Variants in PPP1R16A observed in about 807,000 individuals in gnomAD.
The protein encoded by PPP1R16A is protein phosphatase 1 regulatory subunit 16A, also known as myosin phosphatase-targeting subunit 3.
PPP1R16A carries 39 observed loss-of-function variants against 46.6 expected under a neutral mutation model. The ratio of observed to expected loss-of-function variants is 0.84; its 90% confidence interval spans 0.65 to 1.09. The LOEUF is 1.09. PPP1R16A is among the 50% of genes least tolerant of loss of function. The pLI, the probability that PPP1R16A is intolerant of heterozygous loss-of-function variation, is 0.00. For missense variants in PPP1R16A, 798 were observed against 735.6 expected (o/e 1.08, Z -0.98); for synonymous variants, 413 against 321.5 (o/e 1.28, Z -3.04).
chr8:144,500,431 C>G (rs964598473), intron 7 of PPP1R16A, 40 bp downstream of exon 7: 13 of 1,525,222 alleles, frequency 8.5e-6, no homozygotes, highest in Non-Finnish European at 1.1e-5. Context: ...GGCTGGGGGC[C>G]TCGCTACTTG....
intron 1 of PPP1R16A, 122 bp downstream of exon 1, chr8:144,478,249 G>C: frequency 2.6e-6 from 1 of 386,208 alleles, no homozygotes; most frequent in Non-Finnish European, 4.6e-6. Context: ...AGAGGAGGCC[G>C]GGCCGGGGAA....
rs1463459662 is a variant in PPP1R16A, at chr8:144,500,946, C to T, written c.1012C>T (p.Arg338Cys). 2.7e-6 allele frequency: 4 copies of T among 1,496,730 alleles called. No individual in the cohort carries two copies. The highest frequency in any genetic ancestry group is 3.5e-6 in the Non-Finnish European group (4 of 1,129,816). 92.7% of individuals were successfully genotyped at this position (1,496,730 alleles called of 1,614,324 possible). A position where few individuals can be genotyped will look rare whatever the true frequency, so the allele number is the denominator to read the frequency against. ...QSRQRSLLRR[R>C]TSSAGSRGKV... is the part of the protein sequence containing the mutation. ...CCGCCAGCGCTCCTTGCTGCGCCGC[C>T]GCACCTCCAGCGCCGGCAGCCGCGG... Residue 338 changes from arginine (R) to cysteine (C), a missense_variant, in exon 10 of 12, where the codon CGC becomes TGC. By Grantham distance (180) the Arg-to-Cys change is radical. Transcript: ENST00000435887.
At position 144,496,757 on chromosome 8, in the gene PPP1R16A, G is replaced by A. The variant is rs1309532041; in HGVS notation, c.-438G>A. 8.1e-6 allele frequency: 2 copies of A among 246,188 alleles called. No individual in the cohort carries two copies. The highest frequency in any genetic ancestry group is 5.4e-5 in the South Asian group (1 of 18,562). The allele number at this position is 246,188 out of a possible 1,614,324, so 15.3% of individuals were successfully genotyped here. On this transcript the variant is annotated 5_prime_UTR_variant, in exon 3 of 12. Coordinates refer to ENST00000435887, the MANE Select transcript of PPP1R16A (RefSeq NM_001329443.2). ...AGAGGACTCTCAGGGGCTCACAGGG[G>A]CTCTCACTGCTGGTTGGCCCTGCCC...
chr8:144,488,097 A>G (rs2130277620), intron 1 of PPP1R16A, among the ~76,000 whole-genome samples: 1 of 152,332 alleles, frequency 6.6e-6, no homozygotes, highest in South Asian at 2.1e-4. Context: ...AGGAGTGGAC[A>G]TCCTCCCCTG....
intron 3 of PPP1R16A, chr8:144,498,068 C>T (rs995752956): frequency 2.2e-6 from 1 of 456,240 alleles, no homozygotes. Context: ...GCCCTTGAGA[C>T]TCCTTCCTGC....
intron 1 of PPP1R16A, among the ~76,000 whole-genome samples, chr8:144,480,133 A>G (rs1825345836): frequency 6.6e-6 from 1 of 152,246 alleles, no homozygotes; most frequent in East Asian, 1.9e-4. Flanking sequence ...GAGTCCCACA[A>G]AGGAGCATGC....
At chr8:144,494,168 C>T (rs1395897773) in intron 2 of PPP1R16A, among the ~76,000 whole-genome samples, 2 of 152,098 alleles carry the variant, frequency 1.3e-5, no homozygotes, top group Admixed American at 1.3e-4. Context: ...GATGGGGTCT[C>T]GCTGTATTGC....
At chr8:144,497,689 C>T (rs1826147514) in intron 3 of PPP1R16A, 2 of 662,150 alleles carry the variant, frequency 3.0e-6, no homozygotes, top group African/African-American at 1.8e-5. Context: ...CAGGCGGGGG[C>T]TGCATGCAGA....
intron 2 of PPP1R16A, among the ~76,000 whole-genome samples, chr8:144,491,264 G>A (rs1362765716): frequency 1.3e-5 from 2 of 151,928 alleles, no homozygotes; most frequent in Admixed American, 6.6e-5. Context: ...CAGAATGATG[G>A]GCATCTAGGT....
intron 1 of PPP1R16A, among the ~76,000 whole-genome samples, chr8:144,483,333 A>G (rs2130187860): frequency 6.6e-6 from 1 of 152,240 alleles, no homozygotes; most frequent in South Asian, 2.1e-4. Context: ...ATGCATCATC[A>G]GTCTCCTTCA....
Position 144,500,686 on chromosome 8 carries a change from G to A in PPP1R16A, c.832G>A (p.Val278Met), listed in dbSNP as rs1027172147. 7.5e-6 allele frequency: 12 copies of A among 1,610,622 alleles called. No individual in the cohort carries two copies. The highest frequency in any genetic ancestry group is 1.0e-5 in the Non-Finnish European group (12 of 1,179,588). Reference protein sequence around the residue: ...PLHAAAYWGQVPLVELLVAHG... With the variant: ...PLHAAAYWGQMPLVELLVAHG... ...TGCAGCTCCGGCCTGCCGTCCACAG[G>A]TGCCCCTGGTGGAGCTGCTCGTGGC... The change falls in exon 9 of 12, where the codon GTG (valine) becomes ATG (methionine). Residue 278 changes from valine (V) to methionine (M), a missense_variant and splice_region_variant. Val to Met is a conservative substitution (Grantham distance 21, BLOSUM62 1). Transcript: ENST00000435887.
At position 144,497,204 on chromosome 8, in the gene PPP1R16A, C is replaced by G; in HGVS notation, c.10C>G (p.His4Asp). The change falls in exon 3 of 12, where the codon CAC becomes GAC. Residue 4 changes from histidine to aspartate, a missense_variant. His to Asp is a moderately conservative substitution (Grantham distance 81). Coordinates refer to ENST00000435887, the MANE Select transcript of PPP1R16A (RefSeq NM_001329443.2). The stretch of plus-strand genomic sequence containing the variant: ...GCAAGCAGCCGCCGCCATGGCCGAG[C>G]ACCTGGAGCTGCTGGCAGAGATGCC... Reference protein sequence around the residue: MAEHLELLAEMPMV... With the variant: MAEDLELLAEMPMV... The G allele has an allele frequency of 1.3e-6, 2 of 1,574,120 alleles. No individual in the cohort carries two copies. The highest frequency in any genetic ancestry group is 1.7e-6 in the Non-Finnish European group (2 of 1,162,348).
chr8:144,490,180 C>G lies in PPP1R16A; in HGVS notation c.-767C>G, dbSNP rs951345045. The G allele has an allele frequency of 2.6e-5, 4 of 152,382 alleles. No individual in the cohort carries two copies. The highest frequency in any genetic ancestry group is 5.9e-5 in the Non-Finnish European group (4 of 68,166). The allele number at this position is 152,382 out of a possible 1,614,324, so 9.4% of individuals were successfully genotyped here. A position where few individuals can be genotyped will look rare whatever the true frequency, so the allele number is the denominator to read the frequency against. On this transcript the variant is annotated 5_prime_UTR_variant, in exon 2 of 12. Coordinates refer to ENST00000435887, the MANE Select transcript of PPP1R16A (RefSeq NM_001329443.2). ...GTTGGTGGCAGGGGTCGAGCAGGTG[C>G]CATCAGGCACATGAACGGTGGAGTC...
intron 1 of PPP1R16A, among the ~76,000 whole-genome samples, chr8:144,488,799 G>A (rs1825702490): frequency 6.6e-6 from 1 of 151,952 alleles, no homozygotes; most frequent in Non-Finnish European, 1.5e-5. Context: ...GCCTCAGCCA[G>A]GAGCACAGGG....
chr8:144,500,081 C>T lies in PPP1R16A; in HGVS notation c.477-15C>T, dbSNP rs778211194. The stretch of plus-strand genomic sequence containing the variant: ...AAGGGCCTTGTGCCCAGCACCCCGT[C>T]CGTCTTCCCTGCAGTGGCGCCAATC... On this transcript the variant is annotated splice_polypyrimidine_tract_variant and intron_variant, in intron 5 of 11. Coordinates refer to ENST00000435887, the MANE Select transcript of PPP1R16A (RefSeq NM_001329443.2). 4 of 1,597,978 alleles carry T rather than the reference C, an allele frequency of 2.5e-6. No individual in the cohort carries two copies. Among genetic ancestry groups the T allele is most frequent in the Non-Finnish European group, 3.4e-6 (4 of 1,172,702 alleles).
At chr8:144,499,300 C>T (rs1586758917) in intron 5 of PPP1R16A, 1 of 562,404 alleles carries the variant, frequency 1.8e-6, no homozygotes, top group East Asian at 2.9e-5. Context: ...AGAGGGCAGG[C>T]CTCGGGCCCC....
intron 1 of PPP1R16A, among the ~76,000 whole-genome samples, chr8:144,483,703 GTC>G (rs971364360): frequency 3.9e-5 from 5 of 127,560 alleles, no homozygotes; most frequent in Non-Finnish European, 8.5e-5. Context: ...ACTGCGCCCG[GTC>G]TCTTTTTTTT....
chr8:144,486,673 T>C (rs2620633), intron 1 of PPP1R16A, among the ~76,000 whole-genome samples: 147,668 of 152,268 alleles, frequency 0.97, 71,769 homozygotes, highest in Middle Eastern at 1. Flanking sequence ...GGTGTGTCTT[T>C]GCATCCTCTG....
At chr8:144,501,446 CCATA>C in intron 11 of PPP1R16A, 70 bp from the exon 12 acceptor site, 1 of 1,482,916 alleles carries the variant, frequency 6.7e-7, no homozygotes, top group Non-Finnish European at 9.0e-7. Context: ...CCCTTCATGA[CCATA>C]CAGCCTGAAC....
Sources: allele counts gnomAD v4.1 joint callset (sites outside exome capture counted in the v4.1 genomes callset), GRCh38; gene constraint gnomAD v4.1.1; transcripts MANE v1.5; gene names NCBI Gene and HGNC (gene_info 2026-07-23, HGNC 2026-07-21).